PTPRN2: variants seen among roughly 807,000 people sequenced by gnomAD.
The protein encoded by PTPRN2 is protein tyrosine phosphatase receptor type N2.
In PTPRN2, 74 loss-of-function variants were observed where a neutral mutation model predicts 118.8. The ratio of observed to expected loss-of-function variants is 0.62; its 90% CI spans 0.52 to 0.76. PTPRN2 has a LOEUF of 0.76. Among genes scored for constraint, PTPRN2 ranks in the 30% least tolerant of loss-of-function variants. The pLI is 0.00. For missense variants in PTPRN2, 1,481 were observed against 1,394.4 expected (o/e 1.06, Z -0.99); for synonymous variants, 641 against 608.0 (o/e 1.05, Z -0.80).
intron 2 of PTPRN2, among the ~76,000 whole-genome samples, chr7:158,337,767 C>T (rs1157811803): frequency 1.3e-5 from 1 of 76,160 alleles, no homozygotes; most frequent in African/African-American, 5.8e-5. Flanking sequence ...GTGACACCTG[C>T]AAACGTCACT....
At chr7:157,727,771 C>T (rs775501127) in intron 12 of PTPRN2, among the ~76,000 whole-genome samples, 28 of 152,210 alleles carry the variant, frequency 1.8e-4, no homozygotes, top group Non-Finnish European at 1.3e-4. Flanking sequence ...AAGTGTGAGG[C>T]GTGAGCCGTG....
At chr7:157,783,935 G>C (rs1803849653) in intron 12 of PTPRN2, among the ~76,000 whole-genome samples, 1 of 152,188 alleles carries the variant, frequency 6.6e-6, no homozygotes, top group Non-Finnish European at 1.5e-5. Context: ...TGGTTGAATG[G>C]AGGATATTCC....
intron 11 of PTPRN2, among the ~76,000 whole-genome samples, chr7:158,049,732 C>G (rs936474866): frequency 2.0e-5 from 3 of 152,146 alleles, no homozygotes; most frequent in African/African-American, 7.2e-5. Context: ...GAAATCCTGT[C>G]TCTACTAAAA....
intron 6 of PTPRN2, among the ~76,000 whole-genome samples, chr7:158,165,064 A>AC (rs5888741): frequency 0.62 from 83,739 of 135,276 alleles, 26,759 homozygotes; most frequent in East Asian, 0.78. Context: ...GGCAGTGAAG[A>AC]CCCCTGATAG....
chr7:158,318,264 G>C (rs556772697), intron 2 of PTPRN2, among the ~76,000 whole-genome samples: 4 of 152,308 alleles, frequency 2.6e-5, no homozygotes, highest in South Asian at 2.1e-4. Context: ...GAGTGGGAAA[G>C]GGGGGAGGAG....
At chr7:158,081,730 G>A (rs1191728083) in intron 10 of PTPRN2, among the ~76,000 whole-genome samples, 2 of 152,292 alleles carry the variant, frequency 1.3e-5, no homozygotes, top group East Asian at 1.9e-4. Context: ...GGTCCCCAAG[G>A]GAGATGTATG....
chr7:158,453,691 T>C (rs1221364842), intron 2 of PTPRN2, among the ~76,000 whole-genome samples: 1 of 152,184 alleles, frequency 6.6e-6, no homozygotes, highest in Non-Finnish European at 1.5e-5. Flanking sequence ...GAACCATATA[T>C]ATGCATTACT....
intron 11 of PTPRN2, among the ~76,000 whole-genome samples, chr7:157,916,351 G>A (rs560286029): frequency 1.3e-5 from 2 of 152,320 alleles, no homozygotes; most frequent in South Asian, 4.1e-4. Flanking sequence ...CCTCTGGGAG[G>A]TGTTGGCCCA....
At chr7:158,146,204 C>A (rs1330915007) in intron 6 of PTPRN2, among the ~76,000 whole-genome samples, 2 of 152,152 alleles carry the variant, frequency 1.3e-5, no homozygotes, top group Non-Finnish European at 2.9e-5. Context: ...AGCTGACAGG[C>A]ACCTTCCAAC....
chr7:158,483,109 C>G (rs1563344467), intron 2 of PTPRN2, among the ~76,000 whole-genome samples: 1 of 152,220 alleles, frequency 6.6e-6, no homozygotes, highest in Non-Finnish European at 1.5e-5. Context: ...TTCTGCACAA[C>G]TGTCCATAAA....
rs114119212 is a variant in PTPRN2 at position 158,014,589 on chromosome 7, G to A, written c.1723+66709C>T. ...CAGCCATCTTTTCACCCATTCACCC[G>A]TTCATTCCTCCTTCCACCCATCCCT... On this transcript the variant is annotated intron_variant, in intron 11 of 22. Transcript: ENST00000389418. 2.4e-3 allele frequency among the ~76,000 whole-genome samples: 361 copies of A among 148,354 alleles called. 1 individual carries two copies. The highest frequency in any genetic ancestry group is 8.1e-3 in the African/African-American group (325 of 40,122).
intron 11 of PTPRN2, among the ~76,000 whole-genome samples, chr7:157,904,817 A>G (rs560196214): frequency 3.9e-4 from 60 of 152,300 alleles, no homozygotes; most frequent in African/African-American, 1.4e-3. Flanking sequence ...CGAACGCTGC[A>G]CAAGGGCAGC....
intron 11 of PTPRN2, among the ~76,000 whole-genome samples, chr7:157,914,710 G>GT (rs2128764695): frequency 6.6e-6 from 1 of 152,064 alleles, no homozygotes; most frequent in African/African-American, 2.4e-5. Context: ...TGAATCGTGT[G>GT]TAAGAGTTGC....
intron 2 of PTPRN2, among the ~76,000 whole-genome samples, chr7:158,367,647 A>G (rs1809641830): frequency 6.6e-6 from 1 of 152,198 alleles, no homozygotes; most frequent in Non-Finnish European, 1.5e-5. Context: ...GTCCTTTGGA[A>G]ATAGCCCCAA....
At chr7:158,486,741 C>T (rs777595739) in intron 2 of PTPRN2, among the ~76,000 whole-genome samples, 1 of 152,232 alleles carries the variant, frequency 6.6e-6, no homozygotes, top group Admixed American at 6.5e-5. Context: ...GCAGAGGCTG[C>T]AGTTTCATAG....
chr7:158,058,035 C>A (rs1341534147), intron 11 of PTPRN2, among the ~76,000 whole-genome samples: 1 of 152,216 alleles, frequency 6.6e-6, no homozygotes, highest in Non-Finnish European at 1.5e-5. Context: ...TAAATAAGTA[C>A]AATGATCTAT....
chr7:157,959,162 C>T (rs1266146778), intron 11 of PTPRN2, among the ~76,000 whole-genome samples: 1 of 152,174 alleles, frequency 6.6e-6, no homozygotes, highest in African/African-American at 2.4e-5. Flanking sequence ...GGTTCTCAGA[C>T]AACTTGCAAA....
intron 2 of PTPRN2, among the ~76,000 whole-genome samples, chr7:158,332,932 C>A (rs1158987130): frequency 3.3e-5 from 5 of 149,388 alleles, no homozygotes; most frequent in South Asian, 4.2e-4. Context: ...TAAGAAGTGA[C>A]ACCTGCAGAC....
At chr7:158,186,755 C>T (rs1040466948) in intron 5 of PTPRN2, among the ~76,000 whole-genome samples, 3 of 152,272 alleles carry the variant, frequency 2.0e-5, no homozygotes, top group African/African-American at 7.2e-5. Flanking sequence ...TGTGTTCCCT[C>T]CATCACAGCA....
Sources: allele counts gnomAD v4.1 joint callset (sites outside exome capture counted in the v4.1 genomes callset), GRCh38; gene constraint gnomAD v4.1.1; transcripts MANE v1.5; gene names NCBI Gene and HGNC (gene_info 2026-07-23, HGNC 2026-07-21).